The following DCDC2 variants were observed in gnomAD, a reference collection of about 807,000 sequenced individuals.
DCDC2 encodes doublecortin domain containing 2.
DCDC2 carries 40 observed loss-of-function variants against 50.2 expected under a neutral mutation model. The ratio of observed to expected loss-of-function variants is 0.80; its 90% confidence interval spans 0.62 to 1.04. DCDC2 has a LOEUF of 1.04. Among genes scored for constraint, DCDC2 ranks in the 50% least tolerant of loss-of-function variants. DCDC2 has a pLI of 0.00. For missense variants in DCDC2, 570 were observed against 581.9 expected, an observed-to-expected ratio of 0.98 and a Z score of 0.21; for synonymous variants, 234 against 210.6, an observed-to-expected ratio of 1.11 and a Z score of -0.96.
At chr6:24,356,930 G>A (rs991678539) in intron 1 of DCDC2, 1 of 152,638 alleles carries the variant, frequency 6.6e-6, no homozygotes, top group Admixed American at 6.5e-5. Flanking sequence ...AAACATGCAG[G>A]GGGTGGGAGC....
intron 7 of DCDC2, among the ~76,000 whole-genome samples, chr6:24,248,854 G>A (rs970712900): frequency 2.0e-4 from 31 of 152,156 alleles, no homozygotes; most frequent in African/African-American, 7.2e-4. Flanking sequence ...CTAATAAGAT[G>A]TTTGAAAATA....
intron 8 of DCDC2, among the ~76,000 whole-genome samples, chr6:24,197,192 C>G (rs1401541036): frequency 6.6e-6 from 1 of 152,192 alleles, no homozygotes; most frequent in Non-Finnish European, 1.5e-5. Flanking sequence ...CTAGCACTCA[C>G]AAGTTAAATA....
intron 8 of DCDC2, among the ~76,000 whole-genome samples, chr6:24,200,897 C>G (rs952687583): frequency 1.3e-5 from 2 of 150,300 alleles, no homozygotes; most frequent in Admixed American, 1.3e-4. Context: ...CAACAAAGAA[C>G]AAAAAAGACA....
intron 7 of DCDC2, among the ~76,000 whole-genome samples, chr6:24,257,056 A>G (rs930498728): frequency 3.9e-5 from 6 of 152,128 alleles, no homozygotes; most frequent in African/African-American, 1.4e-4. Flanking sequence ...CTTTTCTCTA[A>G]CCTATTACTT....
At chr6:24,266,269 G>A (rs1763120967) in intron 7 of DCDC2, among the ~76,000 whole-genome samples, 1 of 152,128 alleles carries the variant, frequency 6.6e-6, no homozygotes, top group Non-Finnish European at 1.5e-5. Flanking sequence ...GAAACTCCCA[G>A]GACATTGGTC....
At chr6:24,241,509 G>C (rs1424209088) in intron 7 of DCDC2, among the ~76,000 whole-genome samples, 1 of 152,162 alleles carries the variant, frequency 6.6e-6, no homozygotes, top group Admixed American at 6.5e-5. Context: ...AAAATAAGCA[G>C]TGACTCATTT....
chr6:24,247,306 T>C (rs1405352271), intron 7 of DCDC2, among the ~76,000 whole-genome samples: 1 of 151,662 alleles, frequency 6.6e-6, no homozygotes, highest in Non-Finnish European at 1.5e-5. Flanking sequence ...CTTGTTTTCT[T>C]GGATATATAT....
chr6:24,237,153 C>A (rs1036743013), intron 7 of DCDC2, among the ~76,000 whole-genome samples: 2 of 151,404 alleles, frequency 1.3e-5, no homozygotes, highest in Admixed American at 6.6e-5. Context: ...AGATAACTGT[C>A]TCACTCTAGT....
intron 3 of DCDC2, 27 bp downstream of exon 3, chr6:24,301,941 C>T (rs766909616): frequency 1.2e-6 from 2 of 1,612,108 alleles, no homozygotes; most frequent in East Asian, 4.5e-5. Flanking sequence ...CCAATTTTAA[C>T]TTGAAGTATA....
chr6:24,346,238 A>T (rs1760252418), intron 2 of DCDC2, among the ~76,000 whole-genome samples: 1 of 152,112 alleles, frequency 6.6e-6, no homozygotes, highest in Admixed American at 6.6e-5. Context: ...CTTGTTCTGT[A>T]TTAGAAATTA....
At chr6:24,241,012 G>A (rs144695749) in intron 7 of DCDC2, among the ~76,000 whole-genome samples, 1 of 152,280 alleles carries the variant, frequency 6.6e-6, no homozygotes, top group African/African-American at 2.4e-5. Context: ...AGGCTTCCTC[G>A]GGTAAAGTCA....
intron 6 of DCDC2, among the ~76,000 whole-genome samples, chr6:24,285,827 G>A (rs1001300113): frequency 2.0e-5 from 3 of 152,100 alleles, no homozygotes; most frequent in African/African-American, 7.2e-5. Flanking sequence ...CTTTGGTCCT[G>A]ACATCGACTT....
At chr6:24,380,696 C>T in the DCDC2 span, among the ~76,000 whole-genome samples, 1 of 152,158 alleles carries the variant, frequency 6.6e-6, no homozygotes. Flanking sequence ...TACAGAAAAT[C>T]AGAACCCCCG....
intron 7 of DCDC2, among the ~76,000 whole-genome samples, chr6:24,233,003 T>C (rs561691902): frequency 2.6e-5 from 4 of 152,322 alleles, no homozygotes; most frequent in African/African-American, 9.6e-5. Flanking sequence ...AGGGCAGCAC[T>C]CAATGGTTTT....
chr6:24,249,751 T>C (rs1030847596), intron 7 of DCDC2, among the ~76,000 whole-genome samples: 1 of 152,210 alleles, frequency 6.6e-6, no homozygotes, highest in African/African-American at 2.4e-5. Context: ...CTCAGCACTG[T>C]GTTTGGGGAT....
At chr6:24,187,125 C>G (rs1761222458) in intron 8 of DCDC2, among the ~76,000 whole-genome samples, 1 of 152,162 alleles carries the variant, frequency 6.6e-6, no homozygotes, top group African/African-American at 2.4e-5. Flanking sequence ...TACTCTTTCA[C>G]CTCCCTTCCC....
chr6:24,292,078 T>C (rs1430868266), intron 4 of DCDC2, among the ~76,000 whole-genome samples: 31 of 152,126 alleles, frequency 2.0e-4, no homozygotes, highest in Non-Finnish European at 5.9e-5. Flanking sequence ...GTAACCTTCC[T>C]TTACTGTAAA....
intron 2 of DCDC2, among the ~76,000 whole-genome samples, chr6:24,341,302 A>G (rs921256912): frequency 3.9e-5 from 6 of 152,176 alleles, no homozygotes; most frequent in African/African-American, 1.4e-4. Context: ...CCCAGCTAAG[A>G]GGTGGGCTGA....
chr6:24,238,542 G>A (rs750032840), intron 7 of DCDC2, among the ~76,000 whole-genome samples: 18 of 151,846 alleles, frequency 1.2e-4, no homozygotes, highest in African/African-American at 1.7e-4. Context: ...CAGGTGATCC[G>A]CCCACCTCAG....
Sources: gnomAD v4.1 joint callset for allele counts (sites outside exome capture counted in the v4.1 genomes callset) on GRCh38, gnomAD v4.1.1 for gene constraint, MANE v1.5 for transcripts, NCBI Gene and HGNC (gene_info 2026-07-23, HGNC 2026-07-21) for gene names.